ADAM10: variants seen among roughly 807,000 people sequenced by gnomAD.
The protein encoded by ADAM10 is disintegrin and metalloproteinase domain-containing protein 10.
Under a neutral mutation model 90.1 loss-of-function variants are expected in ADAM10, and 17 were observed. That is an observed-to-expected ratio of 0.19 (90% confidence interval 0.13 to 0.28). ADAM10 has a LOEUF of 0.28. Among genes scored for constraint, ADAM10 ranks in the 10% least tolerant of loss-of-function variants. The pLI is 1.00. For synonymous variants in ADAM10, 310 were observed against 298.6 expected (o/e 1.04, Z -0.40); for missense variants, 610 against 914.3 (o/e 0.67, Z 4.29).
chr15:58,621,323 C>T, intron 11 of ADAM10, 148 bp downstream of exon 11: 1 of 757,796 alleles, frequency 1.3e-6, no homozygotes, highest in Non-Finnish European at 2.2e-6. Flanking sequence ...GAGCAGTAAC[C>T]AACACTACTT....
At chr15:58,615,159 A>G (rs1182050448) in intron 11 of ADAM10, among the ~76,000 whole-genome samples, 1 of 151,614 alleles carries the variant, frequency 6.6e-6, no homozygotes, top group African/African-American at 2.4e-5. Flanking sequence ...CTGTAGTCCC[A>G]GCTACTAGGG....
At chr15:58,721,541 C>G (rs1230584455) in intron 1 of ADAM10, among the ~76,000 whole-genome samples, 2 of 152,106 alleles carry the variant, frequency 1.3e-5, no homozygotes, top group Non-Finnish European at 2.9e-5. Flanking sequence ...GATAAAGCAG[C>G]CTACCTGCCC....
At position 58,649,572 on chromosome 15, in the gene ADAM10, G is replaced by A. The variant is rs577093311; in HGVS notation, c.586-3368C>T. On this transcript the variant is annotated intron_variant, in intron 5 of 15. Coordinates refer to ENST00000260408, the MANE Select transcript of ADAM10 (RefSeq NM_001110.4). Reference sequence around the variant, plus strand: ...TTACTTTGATCTATTCTTCTGAGTAGAGCATCCTAGAGGATGGCAGTTTCT... The same window carrying A: ...TTACTTTGATCTATTCTTCTGAGTAAAGCATCCTAGAGGATGGCAGTTTCT... 6.6e-5 allele frequency among the ~76,000 whole-genome samples: 10 copies of A among 152,292 alleles called. 1 individual carries two copies. The South Asian group carries it at 1.7e-3, about 25-fold the overall frequency.
chr15:58,661,797 T>C (rs1451361211), intron 5 of ADAM10, among the ~76,000 whole-genome samples: 2 of 152,182 alleles, frequency 1.3e-5, no homozygotes, highest in Admixed American at 1.3e-4. Context: ...ATGGATACTG[T>C]CTATTTTATT....
At chr15:58,741,986 G>C (rs1034316981) in intron 1 of ADAM10, among the ~76,000 whole-genome samples, 12 of 152,144 alleles carry the variant, frequency 7.9e-5, no homozygotes, top group African/African-American at 2.9e-4. Context: ...ACCTCAGAAA[G>C]CCTTCCCCGC....
At chr15:58,621,383 G>A in intron 11 of ADAM10, 88 bp downstream of exon 11, 1 of 1,500,516 alleles carries the variant, frequency 6.7e-7, no homozygotes, top group Non-Finnish European at 9.3e-7. Flanking sequence ...AAAACCATAT[G>A]CATCTCTTAA....
rs567067150 is a variant in ADAM10, at chr15:58,599,839, A to C, written c.2026-115T>G. 391 of 1,081,872 alleles carry C rather than the reference A, an allele frequency of 3.6e-4. 1 individual carries two copies. The highest frequency in any genetic ancestry group is 4.9e-4 in the Non-Finnish European group (365 of 746,674). 67.0% of individuals were successfully genotyped at this position (1,081,872 alleles called of 1,614,324 possible). On this transcript the variant is annotated intron_variant, in intron 14 of 15. Transcript: ENST00000260408. Reference sequence around the variant, plus strand: ...CACAGTATATTGTAATTTTTAAAGAACATTTGTTTAGGAGTTGTATACATA... The same window carrying C: ...CACAGTATATTGTAATTTTTAAAGACCATTTGTTTAGGAGTTGTATACATA...
chr15:58,736,536 C>T (rs1899436245), intron 1 of ADAM10, among the ~76,000 whole-genome samples: 1 of 152,012 alleles, frequency 6.6e-6, no homozygotes, highest in Non-Finnish European at 1.5e-5. Flanking sequence ...GCAGAATGTC[C>T]TTACTTTTAT....
At chr15:58,741,996 CT>C (rs1899631264) in intron 1 of ADAM10, among the ~76,000 whole-genome samples, 1 of 152,210 alleles carries the variant, frequency 6.6e-6, no homozygotes, top group Non-Finnish European at 1.5e-5. Flanking sequence ...GCCTTCCCCG[CT>C]TGCTGATGTC....
At chr15:58,685,956 G>A (rs1192581842) in intron 2 of ADAM10, among the ~76,000 whole-genome samples, 7 of 152,230 alleles carry the variant, frequency 4.6e-5, no homozygotes, top group African/African-American at 1.7e-4. Context: ...AACCATTACT[G>A]GACTTGCCTA....
chr15:58,684,599 ACT>A (rs1243921139), intron 2 of ADAM10, among the ~76,000 whole-genome samples: 1 of 152,096 alleles, frequency 6.6e-6, no homozygotes, highest in Non-Finnish European at 1.5e-5. Context: ...GCGCACAGAA[ACT>A]CTGTGCTGCC....
chr15:58,658,682 GTTC>G (rs1896891761), intron 5 of ADAM10, among the ~76,000 whole-genome samples: 1 of 152,032 alleles, frequency 6.6e-6, no homozygotes, highest in Admixed American at 6.6e-5. Context: ...ATGTTTTCTA[GTTC>G]TTCATGTACA....
rs981046003 is a variant in ADAM10, at chr15:58,643,143, T to C, written c.828+743A>G. 3.3e-5 allele frequency among the ~76,000 whole-genome samples: 5 copies of C among 152,110 alleles called. No homozygotes were observed. The East Asian group carries it at 5.8e-4, about 18-fold the overall frequency. On this transcript the variant is annotated intron_variant, in intron 7 of 15. Coordinates refer to ENST00000260408, the MANE Select transcript of ADAM10 (RefSeq NM_001110.4). ...AAGCTATACATATATATTTAGAATA[T>C]TCAGAAATCTTTTGAAAAAATAGCC...
Position 58,640,761 on chromosome 15 carries a change from T to C in ADAM10, c.1012+16A>G, listed in dbSNP as rs1326181309. The C allele has an allele frequency of 6.2e-7, 1 of 1,612,018 alleles. No homozygotes were observed. The highest frequency in any genetic ancestry group is 2.2e-5 in the East Asian group (1 of 44,840). ...TTCAAGTAGTAAGTTAAGACATATT[T>C]AATATGATAAACTACCTGAAGGTGC... is the stretch of plus-strand genomic sequence containing the variant. On this transcript the variant is annotated intron_variant, in intron 8 of 15. Transcript: ENST00000260408.
At chr15:58,734,574 C>A (rs1451756945) in intron 1 of ADAM10, among the ~76,000 whole-genome samples, 1 of 152,020 alleles carries the variant, frequency 6.6e-6, no homozygotes, top group African/African-American at 2.4e-5. Flanking sequence ...GTGGCATGCA[C>A]CTGTCATCCC....
intron 5 of ADAM10, among the ~76,000 whole-genome samples, chr15:58,653,819 C>T (rs1457786412): frequency 3.3e-5 from 5 of 152,054 alleles, no homozygotes; most frequent in African/African-American, 1.2e-4. Context: ...TGGTAGAATT[C>T]AACAGTGAAG....
At chr15:58,646,249 C>G (rs369897875) in intron 5 of ADAM10, 45 bp from the exon 6 acceptor site, 1 of 1,566,586 alleles carries the variant, frequency 6.4e-7, no homozygotes, top group African/African-American at 1.4e-5. Flanking sequence ...TGCTTCAATA[C>G]TATCATTTTA....
At chr15:58,701,299 G>A (rs1415603114) in intron 2 of ADAM10, among the ~76,000 whole-genome samples, 1 of 151,930 alleles carries the variant, frequency 6.6e-6, no homozygotes, top group African/African-American at 2.4e-5. Context: ...TTTCTCAAAA[G>A]AAGACACAGA....
intron 4 of ADAM10, among the ~76,000 whole-genome samples, chr15:58,671,098 G>T (rs1285430891): frequency 6.6e-6 from 1 of 152,004 alleles, no homozygotes; most frequent in African/African-American, 2.4e-5. Flanking sequence ...TCCCTACCAT[G>T]TACCAAGACC....
Sources: gnomAD v4.1 joint callset for allele counts (sites outside exome capture counted in the v4.1 genomes callset) on GRCh38, gnomAD v4.1.1 for gene constraint, MANE v1.5 for transcripts, NCBI Gene and HGNC (gene_info 2026-07-23, HGNC 2026-07-21) for gene names.